Variants in STXBP5L observed in about 807,000 individuals in gnomAD.
STXBP5L encodes the protein syntaxin-binding protein 5-like.
In STXBP5L, 65 loss-of-function variants were observed where a neutral mutation model predicts 144.5. That is an observed-to-expected ratio of 0.45 (90% CI 0.37 to 0.55). The LOEUF is 0.55. STXBP5L is among the 20% of genes least tolerant of loss of function. STXBP5L has a pLI of 0.00. For synonymous variants in STXBP5L, 505 were observed against 469.6 expected (o/e 1.08, Z -0.97); for missense variants, 1,298 against 1,405.5 (o/e 0.92, Z 1.22).
At chr3:120,938,582 C>T (rs1030865014) in intron 2 of STXBP5L, among the ~76,000 whole-genome samples, 1 of 152,166 alleles carries the variant, frequency 6.6e-6, no homozygotes, top group South Asian at 2.1e-4. Flanking sequence ...AATGGTTGAT[C>T]TTGACTCTAC....
chr3:121,403,475 A>AT (rs1230237073), intron 22 of STXBP5L, among the ~76,000 whole-genome samples: 5 of 152,220 alleles, frequency 3.3e-5, no homozygotes, highest in African/African-American at 1.2e-4. Flanking sequence ...TGTTTCCTTT[A>AT]TAATAAATGT....
chr3:121,341,429 T>C (rs551399613), intron 20 of STXBP5L, among the ~76,000 whole-genome samples: 1 of 152,218 alleles, frequency 6.6e-6, no homozygotes, highest in South Asian at 2.1e-4. Context: ...GAATGTAAAT[T>C]AGTACAGCCA....
intron 9 of STXBP5L, among the ~76,000 whole-genome samples, chr3:121,175,026 C>G (rs985782305): frequency 5.3e-5 from 8 of 152,058 alleles, no homozygotes; most frequent in Non-Finnish European, 1.0e-4. Context: ...GGGAGAGAAA[C>G]ACTTTTGAAG....
At chr3:121,250,668 G>A (rs2050000461) in intron 14 of STXBP5L, 55 bp from the exon 15 acceptor site, 3 of 1,415,584 alleles carry the variant, frequency 2.1e-6, no homozygotes, top group African/African-American at 2.9e-5. Context: ...CATTTGGAGT[G>A]ATTATGATTT....
In STXBP5L at chr3:121,379,091, GCCTCTGCTTATAGGTAACTACCC is replaced by G. The variant is rs539449828; in HGVS notation, c.2347+210_2347+232del. 3.2e-3 allele frequency among the ~76,000 whole-genome samples: 480 copies of G among 152,134 alleles called. 2 individuals carry two copies. Among genetic ancestry groups the G allele is most frequent in the African/African-American group, 0.011 (458 of 41,520 alleles). On this transcript the variant is annotated intron_variant, in intron 21 of 26. Coordinates refer to ENST00000471454, the MANE Select transcript of STXBP5L (RefSeq NM_001308330.2). ...CCTTCCTCACCTCTAAAACCAGAATGCCTCTGCTTATAGGTAACTACCCCCTCCTCTGTACAAAGGGAGACCTA... is the reference window on the plus strand; with the variant it reads ...CCTTCCTCACCTCTAAAACCAGAATGCCTCCTCTGTACAAAGGGAGACCTA...
At chr3:121,018,855 A>G (rs1367531809) in intron 3 of STXBP5L, among the ~76,000 whole-genome samples, 1 of 152,226 alleles carries the variant, frequency 6.6e-6, no homozygotes, top group African/African-American at 2.4e-5. Context: ...ACATACCAAC[A>G]AAGACAAGAG....
chr3:120,970,801 T>G (rs1443082632), intron 3 of STXBP5L, among the ~76,000 whole-genome samples: 1 of 152,088 alleles, frequency 6.6e-6, no homozygotes, highest in Admixed American at 6.6e-5. Flanking sequence ...TGGCCTGCTG[T>G]TTTTTTCCAT....
intron 5 of STXBP5L, among the ~76,000 whole-genome samples, chr3:121,067,932 A>T (rs1179985871): frequency 6.6e-6 from 1 of 152,364 alleles, no homozygotes; most frequent in East Asian, 1.9e-4. Context: ...CATGGCATAT[A>T]TATTTCCATT....
intron 19 of STXBP5L, among the ~76,000 whole-genome samples, chr3:121,298,631 TAC>T (rs1253933549): frequency 6.6e-6 from 1 of 152,190 alleles, no homozygotes; most frequent in Non-Finnish European, 1.5e-5. Context: ...TTCAGGACAT[TAC>T]ACTAGATGAA....
At chr3:121,076,962 G>A (rs1164416678) in intron 5 of STXBP5L, among the ~76,000 whole-genome samples, 1 of 152,050 alleles carries the variant, frequency 6.6e-6, no homozygotes, top group African/African-American at 2.4e-5. Flanking sequence ...CTGGTTCTAT[G>A]GACTGTATGC....
chr3:121,052,070 G>A (rs986294835), intron 5 of STXBP5L, among the ~76,000 whole-genome samples: 2 of 152,162 alleles, frequency 1.3e-5, no homozygotes, highest in Non-Finnish European at 2.9e-5. Flanking sequence ...AAGAGGTTCT[G>A]AAATTGTGGC....
intron 6 of STXBP5L, among the ~76,000 whole-genome samples, chr3:121,121,148 T>C (rs779740079): frequency 2.6e-5 from 4 of 151,296 alleles, no homozygotes; most frequent in Non-Finnish European, 5.9e-5. Flanking sequence ...AAAAGCGTTA[T>C]CACTAGAGTA....
intron 5 of STXBP5L, among the ~76,000 whole-genome samples, chr3:121,093,262 G>A (rs1576928249): frequency 6.6e-6 from 1 of 152,112 alleles, no homozygotes; most frequent in Non-Finnish European, 1.5e-5. Context: ...GCCCGGCTTT[G>A]GTATCAGGAT....
At chr3:121,147,949 A>G (rs1162069824) in intron 7 of STXBP5L, among the ~76,000 whole-genome samples, 1 of 152,006 alleles carries the variant, frequency 6.6e-6, no homozygotes, top group Non-Finnish European at 1.5e-5. Flanking sequence ...GACTGGAACT[A>G]TACCATTGGT....
intron 9 of STXBP5L, among the ~76,000 whole-genome samples, chr3:121,177,026 A>G (rs1482332691): frequency 6.6e-6 from 1 of 152,008 alleles, no homozygotes; most frequent in Non-Finnish European, 1.5e-5. Context: ...TTTTTTAGGA[A>G]ATTTCTACTT....
At chr3:121,006,100 G>C (rs907770414) in intron 3 of STXBP5L, among the ~76,000 whole-genome samples, 2 of 151,922 alleles carry the variant, frequency 1.3e-5, no homozygotes, top group Non-Finnish European at 2.9e-5. Flanking sequence ...CAATTCCTGG[G>C]TATCCTTGTT....
chr3:121,187,064 G>A (rs551756134), intron 9 of STXBP5L, among the ~76,000 whole-genome samples: 1 of 152,148 alleles, frequency 6.6e-6, no homozygotes, highest in Non-Finnish European at 1.5e-5. Flanking sequence ...CCATTACTGG[G>A]TATATACCCA....
intron 5 of STXBP5L, among the ~76,000 whole-genome samples, chr3:121,085,153 C>G (rs189201327): frequency 4.7e-4 from 71 of 152,064 alleles, no homozygotes; most frequent in Admixed American, 7.9e-4. Context: ...AAATTTTCTC[C>G]CATTCTGTAG....
chr3:121,142,431 C>T (rs2045547011), intron 7 of STXBP5L, among the ~76,000 whole-genome samples: 1 of 151,894 alleles, frequency 6.6e-6, no homozygotes, highest in Non-Finnish European at 1.5e-5. Flanking sequence ...GAACTTTCCA[C>T]CCAACAGCAG....
Sources: allele counts gnomAD v4.1 joint callset (sites outside exome capture counted in the v4.1 genomes callset), GRCh38; gene constraint gnomAD v4.1.1; transcripts MANE v1.5; gene names NCBI Gene and HGNC (gene_info 2026-07-23, HGNC 2026-07-21).